The following MACROD2 variants were observed in gnomAD, a reference collection of about 807,000 sequenced individuals.
MACROD2 encodes mono-ADP ribosylhydrolase 2.
In MACROD2, 36 loss-of-function variants were observed where a neutral mutation model predicts 70.4. The observed-to-expected ratio is 0.51, with a 90% CI of 0.39 to 0.68. MACROD2 has a LOEUF of 0.68. Among genes scored for constraint, MACROD2 ranks in the 30% least tolerant of loss-of-function variants. MACROD2 has a pLI of 0.00. For missense variants in MACROD2, 496 were observed against 538.4 expected (o/e 0.92, Z 0.78); for synonymous variants, 172 against 178.8 (o/e 0.96, Z 0.30).
chr20:15,443,612 C>G (rs2046524311), intron 7 of MACROD2, among the ~76,000 whole-genome samples: 2 of 152,248 alleles, frequency 1.3e-5, no homozygotes, highest in African/African-American at 4.8e-5. Flanking sequence ...GTAAAATGCA[C>G]TTTCCCTTTA....
intron 3 of MACROD2, among the ~76,000 whole-genome samples, chr20:14,090,802 G>A (rs2054138227): frequency 1.3e-5 from 2 of 152,162 alleles, no homozygotes; most frequent in African/African-American, 2.4e-5. Flanking sequence ...TCATATGGCA[G>A]TTTTATTTTT....
At chr20:14,408,798 C>T (rs2083718072) in intron 3 of MACROD2, among the ~76,000 whole-genome samples, 1 of 152,122 alleles carries the variant, frequency 6.6e-6, no homozygotes, top group African/African-American at 2.4e-5. Flanking sequence ...GTAAAGTTTA[C>T]CTCTAGAGAG....
intron 4 of MACROD2, among the ~76,000 whole-genome samples, chr20:14,515,457 A>ACG (rs2085082793): frequency 1.4e-5 from 1 of 70,916 alleles, no homozygotes. Context: ...TGTGAGATAC[A>ACG]CACACACGCA....
chr20:14,629,707 A>G (rs913774285), intron 4 of MACROD2, among the ~76,000 whole-genome samples: 1 of 152,186 alleles, frequency 6.6e-6, no homozygotes, highest in Non-Finnish European at 1.5e-5. Flanking sequence ...GCACAGATGC[A>G]GGGAAGGACT....
At chr20:15,182,014 T>C (rs570981498) in intron 5 of MACROD2, among the ~76,000 whole-genome samples, 3 of 151,948 alleles carry the variant, frequency 2.0e-5, no homozygotes, top group Non-Finnish European at 4.4e-5. Flanking sequence ...GGTCAGATCA[T>C]ACCCCTAGAG....
At chr20:14,561,863 G>A (rs1055677829) in intron 4 of MACROD2, among the ~76,000 whole-genome samples, 1 of 151,666 alleles carries the variant, frequency 6.6e-6, no homozygotes, top group Admixed American at 6.6e-5. Context: ...AATGAACTTT[G>A]CAGTCAGTTA....
chr20:14,235,921 A>T (rs1308941695), intron 3 of MACROD2, among the ~76,000 whole-genome samples: 5 of 216 alleles, frequency 0.023, no homozygotes, highest in African/African-American at 0.03. Flanking sequence ...AAACATACTT[A>T]ATAGTATTAC....
chr20:14,866,701 A>G (rs2073431432), intron 5 of MACROD2, among the ~76,000 whole-genome samples: 1 of 152,138 alleles, frequency 6.6e-6, no homozygotes, highest in Admixed American at 6.6e-5. Context: ...TTGCAGGTAA[A>G]GAGTGAGCTT....
chr20:15,176,113 G>A (rs190675316), intron 5 of MACROD2, among the ~76,000 whole-genome samples: 41 of 152,320 alleles, frequency 2.7e-4, no homozygotes, highest in East Asian at 1.7e-3. Context: ...GTGCTGACAC[G>A]CCAGCCCCCT....
At chr20:15,430,608 T>C (rs928911353) in intron 6 of MACROD2, among the ~76,000 whole-genome samples, 21 of 152,138 alleles carry the variant, frequency 1.4e-4, no homozygotes, top group African/African-American at 4.6e-4. Context: ...AATTCATTTT[T>C]TTCAATCAAA....
At chr20:14,336,670 T>C (rs1332323335) in intron 3 of MACROD2, among the ~76,000 whole-genome samples, 2 of 152,198 alleles carry the variant, frequency 1.3e-5, no homozygotes, top group Non-Finnish European at 2.9e-5. Flanking sequence ...GTGAGCTTTG[T>C]TAGTTTTTCT....
intron 10 of MACROD2, among the ~76,000 whole-genome samples, chr20:15,922,271 A>C (rs1183249113): frequency 2.0e-5 from 3 of 152,360 alleles, no homozygotes; most frequent in South Asian, 4.1e-4. Flanking sequence ...ATATAGCATG[A>C]GTTACAAATG....
At chr20:14,873,394 G>T (rs190994325) in intron 5 of MACROD2, among the ~76,000 whole-genome samples, 2 of 151,948 alleles carry the variant, frequency 1.3e-5, no homozygotes, top group Admixed American at 1.3e-4. Context: ...GTTTTAAGTC[G>T]ACTTTTGCTA....
intron 3 of MACROD2, among the ~76,000 whole-genome samples, chr20:14,484,968 C>G (rs1308170670): frequency 6.6e-6 from 1 of 151,500 alleles, no homozygotes; most frequent in Non-Finnish European, 1.5e-5. Flanking sequence ...GGTGTGATTG[C>G]TATCTTTTGG....
At position 14,753,911 on chromosome 20, in the gene MACROD2, A is replaced by G. The variant is rs1314100228; in HGVS notation, c.418+68952A>G. On this transcript the variant is annotated intron_variant, in intron 5 of 17. Coordinates refer to ENST00000684519, the MANE Select transcript of MACROD2 (RefSeq NM_001351661.2). ...AACACCATGTCCAAATTTTTGTTTC[A>G]TGAACTGGGAACTGTGACTTGATAA... Among the ~76,000 whole-genome samples the G allele has an allele frequency of 3.3e-5, 5 of 152,096 alleles. No individual in the cohort carries two copies. In the South Asian group the frequency reaches 8.3e-4, roughly 25 times the overall value.
intron 8 of MACROD2, among the ~76,000 whole-genome samples, chr20:15,564,660 T>A (rs529827072): frequency 1.3e-5 from 2 of 152,142 alleles, no homozygotes; most frequent in African/African-American, 4.8e-5. Context: ...TGAAAATGCT[T>A]TTTCTTCTTT....
At chr20:14,619,924 G>T (rs1376952943) in intron 4 of MACROD2, among the ~76,000 whole-genome samples, 1 of 152,150 alleles carries the variant, frequency 6.6e-6, no homozygotes, top group Non-Finnish European at 1.5e-5. Context: ...AATGTTGCTA[G>T]TGGCCATCAT....
chr20:14,812,239 A>G (rs572479335), intron 5 of MACROD2, among the ~76,000 whole-genome samples: 1 of 152,226 alleles, frequency 6.6e-6, no homozygotes, highest in East Asian at 1.9e-4. Flanking sequence ...ATGGAATACT[A>G]TGCAGCCATA....
intron 8 of MACROD2, among the ~76,000 whole-genome samples, chr20:15,586,864 A>G (rs952192029): frequency 6.6e-6 from 1 of 151,368 alleles, no homozygotes; most frequent in East Asian, 1.9e-4. Flanking sequence ...ATACCAAAGA[A>G]TATAGCATAT....
Sources: allele counts gnomAD v4.1 joint callset (sites outside exome capture counted in the v4.1 genomes callset), GRCh38; gene constraint gnomAD v4.1.1; transcripts MANE v1.5; gene names NCBI Gene and HGNC (gene_info 2026-07-23, HGNC 2026-07-21).